GFRAL: variants seen among roughly 807,000 people sequenced by gnomAD.
GFRAL encodes the protein GDNF family receptor alpha-like.
In GFRAL, 36 loss-of-function variants were observed where a neutral mutation model predicts 45.4. That is an observed-to-expected ratio of 0.79 (90% confidence interval 0.61 to 1.05). The LOEUF (loss-of-function observed/expected upper bound fraction) is 1.05, where lower values mean the gene tolerates loss of function less well. Ranked by LOEUF, GFRAL falls within the 50% of genes least tolerant of loss-of-function variation. The probability of loss-of-function intolerance (pLI) is 0.00; values close to 1 mark genes in which losing one functional copy is unlikely to be tolerated. For missense variants in GFRAL, 507 were observed against 467.5 expected (o/e 1.08, Z -0.78); for synonymous variants, 166 against 154.1 (o/e 1.08, Z -0.57).
intron 3 of GFRAL, among the ~76,000 whole-genome samples, chr6:55,340,212 C>T (rs1767943959): frequency 6.6e-6 from 1 of 152,174 alleles, no homozygotes; most frequent in Non-Finnish European, 1.5e-5. Context: ...TCAACTGCAG[C>T]ATCCTCCACA....
chr6:55,386,687 C>A (rs1261558681), intron 6 of GFRAL, among the ~76,000 whole-genome samples: 3 of 152,074 alleles, frequency 2.0e-5, no homozygotes, highest in African/African-American at 4.8e-5. Context: ...ATCTTAGGAC[C>A]TTTCAAAATT....
chr6:55,385,822 A>G (rs58467087), intron 6 of GFRAL, among the ~76,000 whole-genome samples: 9,738 of 152,154 alleles, frequency 0.064, 509 homozygotes, highest in African/African-American at 0.14. Flanking sequence ...CAGGTTGTGT[A>G]GAGGAAATTA....
rs1035895733 is a variant in GFRAL, at chr6:55,370,635, G to A, written c.952+11497G>A. 2.6e-5 allele frequency among the ~76,000 whole-genome samples: 4 copies of A among 152,204 alleles called. No homozygotes were observed. In the South Asian group the frequency reaches 6.2e-4, roughly 24 times the overall value. On this transcript the variant is annotated intron_variant, in intron 6 of 8. Coordinates refer to ENST00000340465, the MANE Select transcript of GFRAL (RefSeq NM_207410.2). ...GAGCAGTTCTCAATCTTTGCTAAAC[G>A]TGAGAATCATTGAGAGATTAAAAAT...
intron 3 of GFRAL, among the ~76,000 whole-genome samples, chr6:55,338,183 TG>T (rs1356620819): frequency 1.3e-5 from 2 of 152,096 alleles, no homozygotes; most frequent in African/African-American, 4.8e-5. Flanking sequence ...CTCCTTCTCC[TG>T]GGTTCAAGCT....
chr6:55,371,973 AC>A (rs1317223748), intron 6 of GFRAL, among the ~76,000 whole-genome samples: 7 of 152,104 alleles, frequency 4.6e-5, no homozygotes, highest in African/African-American at 1.7e-4. Flanking sequence ...AGGTTGATCC[AC>A]CCTTTCCAGT....
At chr6:55,354,179 G>A (rs1768156260) in intron 5 of GFRAL, among the ~76,000 whole-genome samples, 1 of 152,008 alleles carries the variant, frequency 6.6e-6, no homozygotes, top group Non-Finnish European at 1.5e-5. Context: ...TTAATAGCAA[G>A]TGGTGGCTCT....
chr6:55,359,235 A>G, intron 6 of GFRAL, 97 bp downstream of exon 6: 1 of 945,166 alleles, frequency 1.1e-6, no homozygotes, highest in South Asian at 1.9e-5. Context: ...AAAAGAGGTA[A>G]TCCAGCACAG....
At chr6:55,397,431 T>G (rs919771623) in intron 6 of GFRAL, among the ~76,000 whole-genome samples, 4 of 129,126 alleles carry the variant, frequency 3.1e-5, no homozygotes, top group African/African-American at 6.0e-5. Flanking sequence ...GGCAGGAGAA[T>G]GGCGTGAACC....
At chr6:55,391,030 A>G (rs3942865) in intron 6 of GFRAL, among the ~76,000 whole-genome samples, 44,715 of 151,868 alleles carry the variant, frequency 0.29, 7,496 homozygotes, top group Middle Eastern at 0.45. Flanking sequence ...AATCTATCGC[A>G]ATACCCTTTT....
chr6:55,356,376 C>T (rs773828577), intron 5 of GFRAL, among the ~76,000 whole-genome samples: 4 of 151,820 alleles, frequency 2.6e-5, no homozygotes, highest in Admixed American at 6.6e-5. Context: ...ATTATAGCTT[C>T]GATCTCATTA....
chr6:55,354,772 C>T (rs1768165314), intron 5 of GFRAL, among the ~76,000 whole-genome samples: 1 of 151,898 alleles, frequency 6.6e-6, no homozygotes, highest in African/African-American at 2.4e-5. Context: ...TGCAGAAGAG[C>T]CTGTACATAG....
chr6:55,329,580 T>G (rs867460937), intron 1 of GFRAL, among the ~76,000 whole-genome samples: 7 of 152,138 alleles, frequency 4.6e-5, no homozygotes, highest in East Asian at 1.9e-4. Flanking sequence ...AGTAAATTTG[T>G]GCTAGGATCA....
chr6:55,336,085 C>G (rs1337689164), intron 3 of GFRAL, among the ~76,000 whole-genome samples: 3 of 152,126 alleles, frequency 2.0e-5, no homozygotes, highest in Admixed American at 6.6e-5. Flanking sequence ...GTTGGGATTA[C>G]AGGCATGTGC....
At chr6:55,333,105 AAT>A (rs1210891500) in intron 2 of GFRAL, among the ~76,000 whole-genome samples, 4 of 152,252 alleles carry the variant, frequency 2.6e-5, no homozygotes, top group Non-Finnish European at 4.4e-5. Context: ...TCAGTATACA[AAT>A]AGTCTTTTGC....
intron 6 of GFRAL, among the ~76,000 whole-genome samples, chr6:55,395,175 A>AAATATATATATATATATATAT: frequency 1.6e-5 from 2 of 123,490 alleles, no homozygotes; most frequent in African/African-American, 3.5e-5. Flanking sequence ...AAAAAAAAAA[A>AAATATATATATATATATATAT]ATATATATAT....
intron 5 of GFRAL, among the ~76,000 whole-genome samples, chr6:55,355,575 A>G (rs1202027978): frequency 6.6e-6 from 1 of 151,994 alleles, no homozygotes; most frequent in Admixed American, 6.6e-5. Flanking sequence ...TGTTAATTTT[A>G]TATCTTGCAA....
intron 6 of GFRAL, among the ~76,000 whole-genome samples, chr6:55,376,029 T>A (rs1768530169): frequency 6.6e-6 from 1 of 152,094 alleles, no homozygotes; most frequent in African/African-American, 2.4e-5. Context: ...TGAGGTATGT[T>A]CCTTCAATAA....
chr6:55,391,386 T>C (rs968200357), intron 6 of GFRAL, among the ~76,000 whole-genome samples: 9 of 152,228 alleles, frequency 5.9e-5, no homozygotes, highest in Non-Finnish European at 1.3e-4. Flanking sequence ...CCAAACACTA[T>C]TTCAAACTCT....
intron 6 of GFRAL, among the ~76,000 whole-genome samples, chr6:55,385,525 C>A (rs1768667694): frequency 6.6e-6 from 1 of 151,906 alleles, no homozygotes; most frequent in Non-Finnish European, 1.5e-5. Context: ...CAAAAGAAAA[C>A]AGAGGCGACT....
Sources: allele counts gnomAD v4.1 joint callset (sites outside exome capture counted in the v4.1 genomes callset), GRCh38; gene constraint gnomAD v4.1.1; transcripts MANE v1.5; gene names NCBI Gene and HGNC (gene_info 2026-07-23, HGNC 2026-07-21).